Variants in TMEM131L observed in about 807,000 individuals in gnomAD.
The protein encoded by TMEM131L is transmembrane protein 131-like.
A neutral mutation model predicts 192.2 loss-of-function variants in TMEM131L; 54 were observed. The observed-to-expected ratio is 0.28, with a 90% CI of 0.23 to 0.35. The LOEUF (loss-of-function observed/expected upper bound fraction) is 0.35, where lower values mean the gene tolerates loss of function less well. Among genes scored for constraint, TMEM131L ranks in the 10% least tolerant of loss-of-function variants. TMEM131L has a pLI of 1.00. For missense variants in TMEM131L, 1,888 were observed against 1,972.9 expected (o/e 0.96, Z 0.82); for synonymous variants, 701 against 704.9 (o/e 0.99, Z 0.09).
intron 3 of TMEM131L, among the ~76,000 whole-genome samples, chr4:153,545,408 C>T (rs1387769542): frequency 6.6e-6 from 1 of 151,938 alleles, no homozygotes; most frequent in Non-Finnish European, 1.5e-5. Context: ...CTGCCTCAGC[C>T]TCCTGAGTAG....
intron 3 of TMEM131L, among the ~76,000 whole-genome samples, chr4:153,537,850 A>C (rs1015434321): frequency 1.1e-4 from 16 of 152,176 alleles, no homozygotes; most frequent in African/African-American, 3.4e-4. Context: ...ACCTGTAGGA[A>C]TTTAGCCTCA....
intron 7 of TMEM131L, among the ~76,000 whole-genome samples, chr4:153,573,608 C>T (rs1425052898): frequency 2.0e-5 from 3 of 152,164 alleles, no homozygotes; most frequent in African/African-American, 7.2e-5. Context: ...TTCCACTTGG[C>T]CAAACCAAAA....
At position 153,591,156 on chromosome 4, in the gene TMEM131L, A is replaced by T; in HGVS notation, c.1774A>T (p.Met592Leu). The change falls in exon 17 of 35, where the codon ATG (methionine) becomes TTG (leucine). Residue 592 changes from methionine to leucine, a missense_variant. Coordinates refer to ENST00000409959, the MANE Select transcript of TMEM131L (RefSeq NM_001131007.2). ...LPRLIAEPGL[M>L]LNFSATALRS... ...TCGTTTGATCGCAGAGCCTGGCCTC[A>T]TGTTAAACTTCAGCGCAACTGCCCT... 1 of 1,610,000 alleles carries T rather than the reference A, an allele frequency of 6.2e-7. No homozygotes were observed. Among genetic ancestry groups the T allele is most frequent in the Non-Finnish European group, 8.5e-7 (1 of 1,177,612 alleles).
At chr4:153,472,105 CA>C (rs1261997879) in intron 2 of TMEM131L, among the ~76,000 whole-genome samples, 1 of 152,014 alleles carries the variant, frequency 6.6e-6, no homozygotes, top group Non-Finnish European at 1.5e-5. Flanking sequence ...ATGGGTTGGG[CA>C]CTTCTGGCAT....
In TMEM131L at chr4:153,555,097, G is replaced by A. The variant is rs1325957348; in HGVS notation, c.309-690G>A. Among the ~76,000 whole-genome samples, 1 of 152,204 alleles carries A rather than the reference G, an allele frequency of 6.6e-6. No individual in the cohort carries two copies. The highest frequency in any genetic ancestry group is 1.5e-5 in the Non-Finnish European group (1 of 68,046). ...GGGAAGAGCCAGAGCTTTCATCAGAGTTTTTGGAAAGGCTCATAATTTAAA... is the reference window on the plus strand; with the variant it reads ...GGGAAGAGCCAGAGCTTTCATCAGAATTTTTGGAAAGGCTCATAATTTAAA... On this transcript the variant is annotated intron_variant, in intron 4 of 34. Transcript: ENST00000409959. This position sits in a 1 kb window ranked among gnomAD's most constrained non-coding sequence, Gnocchi z 4.1.
chr4:153,545,702 C>A (rs577638358), intron 3 of TMEM131L, among the ~76,000 whole-genome samples: 1 of 152,030 alleles, frequency 6.6e-6, no homozygotes, highest in African/African-American at 2.4e-5. Context: ...AGGCAAAGAT[C>A]AATGTTTTTT....
chr4:153,545,538 CG>C, intron 3 of TMEM131L, among the ~76,000 whole-genome samples: 1 of 152,238 alleles, frequency 6.6e-6, no homozygotes, highest in South Asian at 2.1e-4. Context: ...CCACCCACCT[CG>C]GCCTCCCAAA....
At chr4:153,626,963 C>A (rs1935565643) in intron 30 of TMEM131L, among the ~76,000 whole-genome samples, 2 of 152,266 alleles carry the variant, frequency 1.3e-5, no homozygotes, top group South Asian at 4.1e-4. Context: ...TAAACAAGTA[C>A]AATTTATTGA....
At chr4:153,580,716 A>G in intron 7 of TMEM131L, 110 bp from the exon 8 acceptor site, 1 of 646,920 alleles carries the variant, frequency 1.5e-6, no homozygotes, top group East Asian at 2.8e-5. Flanking sequence ...TCAGATATTT[A>G]TTGAATAAAT....
intron 2 of TMEM131L, among the ~76,000 whole-genome samples, chr4:153,470,738 G>A (rs1836400): frequency 0.097 from 14,745 of 152,234 alleles, 2,306 homozygotes; most frequent in African/African-American, 0.33. Flanking sequence ...GCGATTCCAT[G>A]TGATCCACGC....
At chr4:153,611,283 T>A (rs1449390520) in intron 25 of TMEM131L, among the ~76,000 whole-genome samples, 2 of 152,166 alleles carry the variant, frequency 1.3e-5, no homozygotes, top group African/African-American at 4.8e-5. Context: ...TTTACAACTG[T>A]CAAACAAGAG....
In TMEM131L at chr4:153,604,361, A is replaced by T. The variant is rs1315568713; in HGVS notation, c.3349A>T (p.Asn1117Tyr). The T allele has an allele frequency of 6.2e-6, 10 of 1,613,912 alleles. No individual in the cohort carries two copies. The highest frequency in any genetic ancestry group is 8.5e-6 in the Non-Finnish European group (10 of 1,179,964). The change falls in exon 25 of 35, where the codon AAC (asparagine) becomes TAC (tyrosine). Residue 1117 changes from asparagine to tyrosine, a missense_variant. Coordinates refer to ENST00000409959, the MANE Select transcript of TMEM131L (RefSeq NM_001131007.2). ...PLKTSKKLPE[N>Y]HLPRNSPQYH... is the part of the protein sequence containing the mutation. ...GAAGACCTCCAAGAAACTACCTGAA[A>T]ACCATTTACCAAGAAACTCACCTCA...
At chr4:153,621,917 A>C in intron 28 of TMEM131L, 68 bp downstream of exon 28, 1 of 1,439,494 alleles carries the variant, frequency 6.9e-7, no homozygotes, top group Non-Finnish European at 9.6e-7. Flanking sequence ...TGAAGTATCT[A>C]ATAAGAGAAA....
intron 25 of TMEM131L, 29 bp from the exon 26 acceptor site, chr4:153,612,223 A>G (rs1266215315): frequency 2.0e-6 from 3 of 1,486,070 alleles, no homozygotes; most frequent in Non-Finnish European, 2.7e-6. Flanking sequence ...ACTATTAGCT[A>G]GAAATTGAAT....
In TMEM131L at chr4:153,511,130, G is replaced by A. The variant is rs1158636324; in HGVS notation, c.239+37242G>A. ...ATTCGACTCAGCAATCCCATTACTG[G>A]GTATATACTCAAAGAAATATAAGTT... On this transcript the variant is annotated intron_variant, in intron 3 of 34. Transcript: ENST00000409959. Among the ~76,000 whole-genome samples, 3 of 152,068 alleles carry A rather than the reference G, an allele frequency of 2.0e-5. No homozygotes were observed. The East Asian group carries it at 5.8e-4, about 29-fold the overall frequency.
At chr4:153,539,173 G>T (rs573033670) in intron 3 of TMEM131L, among the ~76,000 whole-genome samples, 6 of 152,158 alleles carry the variant, frequency 3.9e-5, no homozygotes, top group Non-Finnish European at 7.3e-5. Flanking sequence ...CCCCCAAAAG[G>T]GGGGGAGGCG....
chr4:153,498,402 C>T (rs1279951015), intron 3 of TMEM131L, among the ~76,000 whole-genome samples: 2 of 152,138 alleles, frequency 1.3e-5, no homozygotes, highest in Non-Finnish European at 1.5e-5. Flanking sequence ...ATTCCCAGCT[C>T]GCTATTTAAT....
chr4:153,559,765 G>A (rs1728725531), intron 7 of TMEM131L, among the ~76,000 whole-genome samples: 1 of 152,022 alleles, frequency 6.6e-6, no homozygotes, highest in Non-Finnish European at 1.5e-5. Context: ...AAAAATTCAA[G>A]TTGGACCCCA....
chr4:153,613,433 G>A (rs1732768543), intron 26 of TMEM131L, among the ~76,000 whole-genome samples: 1 of 152,178 alleles, frequency 6.6e-6, no homozygotes. Flanking sequence ...ATCTTTCTCA[G>A]TAGAGAGCCA....
Sources: allele counts gnomAD v4.1 joint callset (sites outside exome capture counted in the v4.1 genomes callset), GRCh38; gene constraint gnomAD v4.1.1; non-coding constraint Gnocchi (gnomAD v3.1); transcripts MANE v1.5; gene names NCBI Gene and HGNC (gene_info 2026-07-23, HGNC 2026-07-21).